The following COL5A2 variants were observed in gnomAD, a reference collection of about 807,000 sequenced individuals.
The protein encoded by COL5A2 is collagen type V alpha 2 chain.
Under a neutral mutation model 208.2 loss-of-function variants are expected in COL5A2, and 23 were observed. The ratio of observed to expected loss-of-function variants is 0.11; its 90% CI spans 0.08 to 0.16. The LOEUF is 0.16. COL5A2 is among the 10% of genes least tolerant of loss of function. The pLI, the probability that COL5A2 is intolerant of heterozygous loss-of-function variation, is 1.00. For missense variants in COL5A2, 1,590 were observed against 1,956.4 expected, an observed-to-expected ratio of 0.81 and a Z score of 3.53; for synonymous variants, 625 against 628.5, an observed-to-expected ratio of 0.99 and a Z score of 0.08.
intron 50 of COL5A2, among the ~76,000 whole-genome samples, chr2:189,041,233 C>A (rs1576487789): frequency 1.3e-5 from 2 of 152,302 alleles, no homozygotes; most frequent in East Asian, 3.9e-4. Context: ...TCCAGCATTT[C>A]TATGGAGTTT....
chr2:189,373,443 T>TA, the COL5A2 span, among the ~76,000 whole-genome samples: 4 of 152,154 alleles, frequency 2.6e-5, no homozygotes. Context: ...AAAAGATATC[T>TA]AAAGAGAATT....
chr2:189,326,767 A>G, the COL5A2 span, among the ~76,000 whole-genome samples: 1 of 151,800 alleles, frequency 6.6e-6, no homozygotes, highest in Non-Finnish European at 1.5e-5. Context: ...TATAATAATA[A>G]CATCTATAAA....
chr2:189,219,090 G>C (rs1689315990), intron 1 of COL5A2, among the ~76,000 whole-genome samples: 1 of 152,160 alleles, frequency 6.6e-6, no homozygotes. Context: ...CAAAAAAATT[G>C]CTTGAAAAAG....
chr2:189,138,274 C>T (rs956921590), intron 1 of COL5A2, among the ~76,000 whole-genome samples: 2 of 151,718 alleles, frequency 1.3e-5, no homozygotes, highest in African/African-American at 4.8e-5. Flanking sequence ...GCACCCGGCC[C>T]GGTATATTTT....
At chr2:189,389,609 G>A in the COL5A2 span, among the ~76,000 whole-genome samples, 1 of 152,108 alleles carries the variant, frequency 6.6e-6, no homozygotes, top group Non-Finnish European at 1.5e-5. Flanking sequence ...AAGCAATTTG[G>A]TCTTTCAACC....
the COL5A2 span, among the ~76,000 whole-genome samples, chr2:189,368,314 T>C: frequency 1.6e-4 from 25 of 152,208 alleles, no homozygotes; most frequent in South Asian, 4.1e-4. Flanking sequence ...TCATTTGCTA[T>C]GATAACATCA....
At chr2:189,197,081 T>C (rs1689011434) in intron 1 of COL5A2, among the ~76,000 whole-genome samples, 2 of 152,154 alleles carry the variant, frequency 1.3e-5, no homozygotes, top group East Asian at 3.9e-4. Flanking sequence ...TGGATACATA[T>C]ACACCATAGA....
At chr2:189,092,231 C>A in intron 7 of COL5A2, 79 bp downstream of exon 7, 1 of 937,088 alleles carries the variant, frequency 1.1e-6, no homozygotes. Context: ...TCTGAACAGA[C>A]ACAATTTAAA....
chr2:189,189,806 G>A lies in COL5A2; in HGVS notation c.-42+35342C>T, dbSNP rs1005909389. 3.9e-5 allele frequency among the ~76,000 whole-genome samples: 6 copies of A among 152,226 alleles called. No individual in the cohort carries two copies. In the South Asian group the frequency reaches 1.2e-3, roughly 32 times the overall value. On this transcript the variant is annotated intron_variant, in intron 1 of 10. Coordinates refer to the COL5A2 transcript ENST00000649966. ...AAAATCTCTGACCACAGCAATTGAA[G>A]TCTTAATTATATATTAAAGTATGGT... is the stretch of plus-strand genomic sequence containing the variant.
chr2:189,349,194 A>C, the COL5A2 span, among the ~76,000 whole-genome samples: 1 of 152,148 alleles, frequency 6.6e-6, no homozygotes, highest in Admixed American at 6.6e-5. Flanking sequence ...TACCTAAAGA[A>C]AGGATAAAGG....
chr2:189,269,182 A>T, the COL5A2 span, among the ~76,000 whole-genome samples: 1 of 152,126 alleles, frequency 6.6e-6, no homozygotes, highest in Non-Finnish European at 1.5e-5. Context: ...GAAAAAAATT[A>T]ATTCTATTCT....
chr2:189,034,519 G>A (rs985902691), intron 53 of COL5A2, among the ~76,000 whole-genome samples: 9 of 151,920 alleles, frequency 5.9e-5, no homozygotes, highest in Admixed American at 1.3e-4. Context: ...TATTATTTTC[G>A]TTTTATATCT....
upstream of COL5A2, among the ~76,000 whole-genome samples, chr2:189,181,433 T>C (rs1054947775): frequency 1.3e-5 from 2 of 152,230 alleles, no homozygotes; most frequent in African/African-American, 2.4e-5. Flanking sequence ...CTTTCTAGAA[T>C]ATCTTAGAGA....
chr2:189,104,324 A>G, intron 2 of COL5A2, 47 bp from the exon 3 acceptor site: 1 of 1,238,316 alleles, frequency 8.1e-7, no homozygotes. Flanking sequence ...GGAAACAATT[A>G]TTGAGAATCT....
chr2:189,246,730 C>A, the COL5A2 span, among the ~76,000 whole-genome samples: 1 of 152,134 alleles, frequency 6.6e-6, no homozygotes, highest in African/African-American at 2.4e-5. Flanking sequence ...ATACAGAGAG[C>A]AGGGTTCCCT....
At chr2:189,219,156 C>G (rs1689316827) in intron 1 of COL5A2, among the ~76,000 whole-genome samples, 1 of 152,096 alleles carries the variant, frequency 6.6e-6, no homozygotes, top group African/African-American at 2.4e-5. Flanking sequence ...ACATACAATA[C>G]AAAATAGCAG....
intron 7 of COL5A2, among the ~76,000 whole-genome samples, chr2:189,090,117 G>A (rs1686752459): frequency 1.3e-5 from 2 of 152,100 alleles, no homozygotes; most frequent in Admixed American, 1.3e-4. Flanking sequence ...TGAATGCAAA[G>A]GAAAAGTTCT....
chr2:189,098,745 A>G lies in COL5A2; in HGVS notation c.384T>C (p.Arg128=). The change falls in exon 5 of 54, where the codon CGT becomes CGC. Residue 128 remains arginine, a synonymous_variant. Transcript: ENST00000374866. ...PGLVPVVTGI[R]GRPGPAGPPG... ...TACTTACTGCCGGTCCTGGACGACCACGTATGCCTGTTACCTAAACAATAA... is the reference window on the plus strand; with the variant it reads ...TACTTACTGCCGGTCCTGGACGACCGCGTATGCCTGTTACCTAAACAATAA... 6.2e-7 allele frequency: 1 copy of G among 1,613,268 alleles called. No individual in the cohort carries two copies. Among genetic ancestry groups the G allele is most frequent in the Non-Finnish European group, 8.5e-7 (1 of 1,179,340 alleles).
the COL5A2 span, among the ~76,000 whole-genome samples, chr2:189,258,563 C>T: frequency 6.6e-6 from 1 of 152,082 alleles, no homozygotes. Context: ...TAACTCTGGT[C>T]CCAGAACTGC....
Sources: gnomAD v4.1 joint callset for allele counts (sites outside exome capture counted in the v4.1 genomes callset) on GRCh38, gnomAD v4.1.1 for gene constraint, MANE v1.5 for transcripts, NCBI Gene and HGNC (gene_info 2026-07-23, HGNC 2026-07-21) for gene names.